Variants in FBXW4 observed in about 807,000 individuals in gnomAD.
FBXW4 encodes F-box/WD repeat-containing protein 4.
Under a neutral mutation model 61.8 loss-of-function variants are expected in FBXW4, and 40 were observed. That is an observed-to-expected ratio of 0.65 (90% CI 0.50 to 0.84). The LOEUF (loss-of-function observed/expected upper bound fraction) is 0.84. FBXW4 is among the 40% of genes least tolerant of loss of function. The probability of loss-of-function intolerance (pLI) is 0.00; values close to 1 mark genes in which losing one functional copy is unlikely to be tolerated. For synonymous variants in FBXW4, 311 were observed against 313.8 expected, an observed-to-expected ratio of 0.99 and a Z score of 0.10; for missense variants, 672 against 753.8, an observed-to-expected ratio of 0.89 and a Z score of 1.27.
intron 1 of FBXW4, among the ~76,000 whole-genome samples, chr10:101,684,908 G>C (rs796801069): frequency 3.9e-5 from 6 of 152,266 alleles, no homozygotes; most frequent in African/African-American, 1.4e-4. Context: ...AAACATGCCA[G>C]CATGAGGACA....
At chr10:101,655,705 T>A (rs943016522) in intron 5 of FBXW4, among the ~76,000 whole-genome samples, 1 of 152,234 alleles carries the variant, frequency 6.6e-6, no homozygotes, top group Non-Finnish European at 1.5e-5. Context: ...GGAAACACCC[T>A]GCATGAGTCG....
chr10:101,620,166 G>A (rs1210817393), intron 6 of FBXW4, among the ~76,000 whole-genome samples: 1 of 152,160 alleles, frequency 6.6e-6, no homozygotes, highest in Non-Finnish European at 1.5e-5. Flanking sequence ...ATCCAGCACC[G>A]CTCACCGCCC....
At chr10:101,625,194 C>T (rs2063898237) in intron 5 of FBXW4, 1 of 231,828 alleles carries the variant, frequency 4.3e-6, no homozygotes, top group Non-Finnish European at 8.7e-6. Context: ...AAAAGGGCTC[C>T]AGGGAACAGG....
intron 5 of FBXW4, among the ~76,000 whole-genome samples, chr10:101,655,782 C>T (rs1368285762): frequency 6.6e-6 from 1 of 152,222 alleles, no homozygotes; most frequent in Non-Finnish European, 1.5e-5. Flanking sequence ...CCGGAAGGGC[C>T]ATGATGCCGT....
At chr10:101,632,201 A>G (rs1262300002) in intron 5 of FBXW4, among the ~76,000 whole-genome samples, 1 of 151,974 alleles carries the variant, frequency 6.6e-6, no homozygotes, top group Middle Eastern at 3.2e-3. Flanking sequence ...CACATACCAC[A>G]CATATTCTCT....
At chr10:101,619,843 C>T (rs1380466650) in intron 6 of FBXW4, among the ~76,000 whole-genome samples, 1 of 152,086 alleles carries the variant, frequency 6.6e-6, no homozygotes, top group Admixed American at 6.6e-5. Flanking sequence ...GAATGAGGGG[C>T]TGAGGGAACA....
chr10:101,667,116 A>G (rs2064310154), intron 5 of FBXW4, among the ~76,000 whole-genome samples: 1 of 151,722 alleles, frequency 6.6e-6, no homozygotes, highest in African/African-American at 2.4e-5. Flanking sequence ...CTGTAGTCCC[A>G]GCTACTCGGG....
At position 101,694,444 on chromosome 10, in the gene FBXW4, A is replaced by T. The variant is rs1361400329; in HGVS notation, c.662T>A (p.Leu221Gln). 2 of 1,535,968 alleles carry T rather than the reference A, an allele frequency of 1.3e-6. No individual in the cohort carries two copies. Among genetic ancestry groups the T allele is most frequent in the East Asian group, 5.3e-5 (2 of 37,968 alleles). The change falls in exon 1 of 9, where the codon CTG (leucine) becomes CAG (glutamine). Residue 221 changes from leucine (L) to glutamine (Q), a missense_variant. Physicochemically the swap from Leu to Gln is moderately radical, Grantham distance 113. Coordinates refer to ENST00000331272, the MANE Select transcript of FBXW4 (RefSeq NM_022039.4). This position sits in a 1 kb window ranked among gnomAD's most constrained non-coding sequence, Gnocchi z 6.0. ...RWLRRFTSCD[L>Q]LWRRIARASL... Reference sequence around the variant, plus strand: ...GGCCCGGGCTATCCGGCGCCAGAGCAGATCGCAGCTGGTGAAGCGCCGCAG... The same window carrying T: ...GGCCCGGGCTATCCGGCGCCAGAGCTGATCGCAGCTGGTGAAGCGCCGCAG...
intron 6 of FBXW4, among the ~76,000 whole-genome samples, chr10:101,614,845 C>G (rs1589736555): frequency 6.6e-6 from 1 of 152,148 alleles, no homozygotes; most frequent in Admixed American, 6.5e-5. Context: ...CACAGGAGCC[C>G]TGCTGGGGCT....
At chr10:101,662,566 C>T (rs991218413) in intron 5 of FBXW4, among the ~76,000 whole-genome samples, 1 of 152,196 alleles carries the variant, frequency 6.6e-6, no homozygotes, top group African/African-American at 2.4e-5. Context: ...ATGACAGAAG[C>T]GGGAGAGAAG....
intron 1 of FBXW4, among the ~76,000 whole-genome samples, chr10:101,687,175 T>G (rs2064542359): frequency 6.6e-6 from 1 of 152,122 alleles, no homozygotes. Flanking sequence ...TCCCATCACC[T>G]GCCACCCCAT....
chr10:101,668,529 G>A (rs2064328648), intron 4 of FBXW4, among the ~76,000 whole-genome samples: 1 of 152,178 alleles, frequency 6.6e-6, no homozygotes, highest in Non-Finnish European at 1.5e-5. Context: ...TTTGTTTGTT[G>A]ATAATGCCCA....
chr10:101,683,481 C>A (rs1051357623), intron 1 of FBXW4, among the ~76,000 whole-genome samples: 1 of 152,188 alleles, frequency 6.6e-6, no homozygotes, highest in African/African-American at 2.4e-5. Flanking sequence ...ACACAACATG[C>A]ACCCACAGTA....
At chr10:101,648,069 T>C (rs1238546964) in intron 5 of FBXW4, among the ~76,000 whole-genome samples, 4 of 152,208 alleles carry the variant, frequency 2.6e-5, no homozygotes, top group Non-Finnish European at 5.9e-5. Flanking sequence ...CCCTGTCCAC[T>C]AGGCAAAGGG....
intron 5 of FBXW4, among the ~76,000 whole-genome samples, chr10:101,637,605 A>C (rs7478123): frequency 6.6e-6 from 1 of 150,384 alleles, no homozygotes; most frequent in Admixed American, 6.6e-5. Flanking sequence ...CTACTTGGGA[A>C]GCTGAGGCAT....
At chr10:101,623,921 G>C (rs2063886884) in intron 6 of FBXW4, among the ~76,000 whole-genome samples, 1 of 152,184 alleles carries the variant, frequency 6.6e-6, no homozygotes, top group African/African-American at 2.4e-5. Flanking sequence ...CCAGGAATCA[G>C]GGACAATGGG....
At position 101,667,951 on chromosome 10, in the gene FBXW4, C is replaced by A. The variant is rs2064322238; in HGVS notation, c.1170G>T (p.Gly390=). 1 of 1,614,160 alleles carries A rather than the reference C, an allele frequency of 6.2e-7. No individual in the cohort carries two copies. ...KVWPLASGRL[G]QCLHTIQTED... Reference sequence around the variant, plus strand: ...CAGTCTGGATGGTGTGTAAGCACTGCCCCAGCCGGCCTGAGGCCAAAGGCC... The same window carrying A: ...CAGTCTGGATGGTGTGTAAGCACTGACCCAGCCGGCCTGAGGCCAAAGGCC... Residue 390 remains glycine, a synonymous_variant, in exon 5 of 9, where the codon GGG becomes GGT. Transcript: ENST00000331272.
chr10:101,621,325 G>A (rs993424913), intron 6 of FBXW4, among the ~76,000 whole-genome samples: 19 of 152,314 alleles, frequency 1.2e-4, no homozygotes, highest in Admixed American at 6.5e-5. Flanking sequence ...CAACGAGTTC[G>A]AGACCAGCCT....
intron 5 of FBXW4, among the ~76,000 whole-genome samples, chr10:101,652,214 T>A (rs1310702019): frequency 6.6e-6 from 1 of 151,454 alleles, no homozygotes; most frequent in Non-Finnish European, 1.5e-5. Flanking sequence ...TTTAGTTATA[T>A]CTCTTTAAAA....
Sources: gnomAD v4.1 joint callset for allele counts (sites outside exome capture counted in the v4.1 genomes callset) on GRCh38, gnomAD v4.1.1 for gene constraint, Gnocchi (gnomAD v3.1) non-coding constraint, MANE v1.5 for transcripts, NCBI Gene and HGNC (gene_info 2026-07-23, HGNC 2026-07-21) for gene names.